The following DNM3 variants were observed in gnomAD, a reference collection of about 807,000 sequenced individuals.
DNM3 encodes the protein dynamin 3, also known as dynamin-3.
In DNM3, 47 loss-of-function variants were observed where a neutral mutation model predicts 101.6. The ratio of observed to expected loss-of-function variants is 0.46; its 90% CI spans 0.37 to 0.59. DNM3 has a LOEUF of 0.59. DNM3 is among the 20% of genes least tolerant of loss of function. DNM3 has a pLI of 0.00. For missense variants in DNM3, 849 were observed against 1,085.7 expected (o/e 0.78, Z 3.06); for synonymous variants, 385 against 387.9 (o/e 0.99, Z 0.09).
At chr1:172,327,634 G>T (rs1462913561) in intron 17 of DNM3, among the ~76,000 whole-genome samples, 1 of 152,082 alleles carries the variant, frequency 6.6e-6, no homozygotes, top group Non-Finnish European at 1.5e-5. Context: ...TTTAGGTATG[G>T]TCAGCTCAAT....
At position 172,404,597 on chromosome 1, in the gene DNM3, A is replaced by G. The variant is rs192547564; in HGVS notation, c.2523-3175A>G. On this transcript the variant is annotated intron_variant, in intron 20 of 20. Coordinates refer to ENST00000627582, the MANE Select transcript of DNM3 (RefSeq NM_015569.5). ...ACTTAAGTCTTTCTATTCTCTATCC[A>G]CACCATTGAATTTTTCCCTTCAATC... Among the ~76,000 whole-genome samples the G allele has an allele frequency of 3.6e-3, 548 of 152,154 alleles. 3 individuals are homozygous for G. Among genetic ancestry groups the G allele is most frequent in the African/African-American group, 0.012 (515 of 41,534 alleles).
intron 14 of DNM3, among the ~76,000 whole-genome samples, chr1:172,182,806 C>G (rs1258514294): frequency 3.9e-5 from 6 of 152,070 alleles, no homozygotes; most frequent in Admixed American, 2.0e-4. Flanking sequence ...ATCTTTTATA[C>G]CATTGCAGGA....
intron 4 of DNM3, among the ~76,000 whole-genome samples, chr1:172,021,174 C>A (rs1299038171): frequency 2.6e-5 from 4 of 152,178 alleles, no homozygotes; most frequent in Non-Finnish European, 5.9e-5. Context: ...TTTTATCTTT[C>A]ATAAAGGAAG....
intron 8 of DNM3, among the ~76,000 whole-genome samples, chr1:172,043,078 G>A (rs1366255991): frequency 6.6e-6 from 1 of 152,098 alleles, no homozygotes; most frequent in Non-Finnish European, 1.5e-5. Flanking sequence ...TTGTGCAAGG[G>A]GGAAATGCTG....
At chr1:172,204,020 T>C (rs928874314) in intron 14 of DNM3, among the ~76,000 whole-genome samples, 2 of 152,158 alleles carry the variant, frequency 1.3e-5, no homozygotes, top group African/African-American at 4.8e-5. Context: ...ATTAAACATA[T>C]ACTTCTGCAG....
chr1:172,217,342 A>G (rs2060738531), intron 14 of DNM3, among the ~76,000 whole-genome samples: 1 of 152,084 alleles, frequency 6.6e-6, no homozygotes, highest in Non-Finnish European at 1.5e-5. Flanking sequence ...CAAAAACAAC[A>G]TGGTTCGTGG....
chr1:172,111,044 A>T (rs905798786), intron 13 of DNM3, among the ~76,000 whole-genome samples: 5 of 152,258 alleles, frequency 3.3e-5, no homozygotes, highest in Admixed American at 2.0e-4. Flanking sequence ...TCAAAAAAAT[A>T]AAATTAAATT....
intron 14 of DNM3, among the ~76,000 whole-genome samples, chr1:172,222,548 G>T (rs148703318): frequency 6.6e-6 from 1 of 152,244 alleles, no homozygotes; most frequent in African/African-American, 2.4e-5. Flanking sequence ...AAGAGGACAG[G>T]GGTCTACTTA....
At chr1:172,300,650 A>T (rs2064400735) in intron 15 of DNM3, among the ~76,000 whole-genome samples, 1 of 152,318 alleles carries the variant, frequency 6.6e-6, no homozygotes, top group South Asian at 2.1e-4. Flanking sequence ...ATCACCTTAT[A>T]AAAAAATTAA....
At position 171,936,486 on chromosome 1, in the gene DNM3, T is replaced by A. The variant is rs113414956; in HGVS notation, c.235+14665T>A. On this transcript the variant is annotated intron_variant, in intron 2 of 20. Coordinates refer to ENST00000627582, the MANE Select transcript of DNM3 (RefSeq NM_015569.5). Reference sequence around the variant, plus strand: ...AATATCTCTCTAAATGCTACTATATTGTTTACTCTGCTTTATTTCAATGAC... The same window carrying A: ...AATATCTCTCTAAATGCTACTATATAGTTTACTCTGCTTTATTTCAATGAC... 4.1e-3 allele frequency among the ~76,000 whole-genome samples: 631 copies of A among 152,320 alleles called. 2 individuals are homozygous for A. Among genetic ancestry groups the A allele is most frequent in the Non-Finnish European group, 6.7e-3 (459 of 68,014 alleles).
At chr1:172,155,447 A>C (rs1226674976) in intron 14 of DNM3, among the ~76,000 whole-genome samples, 2 of 152,090 alleles carry the variant, frequency 1.3e-5, no homozygotes, top group African/African-American at 4.8e-5. Context: ...TTTATTTTAT[A>C]TACTCTTATT....
intron 9 of DNM3, among the ~76,000 whole-genome samples, chr1:172,047,618 C>G (rs2049909453): frequency 6.6e-6 from 1 of 151,996 alleles, no homozygotes; most frequent in South Asian, 2.1e-4. Flanking sequence ...GATTCTGTAC[C>G]TCGTTCAGAG....
chr1:172,325,037 A>G (rs9425286), intron 17 of DNM3, among the ~76,000 whole-genome samples: 83,671 of 151,860 alleles, frequency 0.55, 24,061 homozygotes, highest in African/African-American at 0.72. Context: ...TTCACTCCCC[A>G]CACACACACC....
chr1:172,096,057 C>G (rs1480895460), intron 13 of DNM3, among the ~76,000 whole-genome samples: 1 of 152,108 alleles, frequency 6.6e-6, no homozygotes, highest in African/African-American at 2.4e-5. Flanking sequence ...GGTAAGTAAG[C>G]AAACTGAAGT....
chr1:172,067,869 G>A (rs1295508480), intron 10 of DNM3, among the ~76,000 whole-genome samples: 1 of 152,196 alleles, frequency 6.6e-6, no homozygotes, highest in African/African-American at 2.4e-5. Flanking sequence ...AGTTAAAGGA[G>A]TCTCTTTGTG....
At chr1:172,402,916 T>C (rs1289032790) in intron 20 of DNM3, among the ~76,000 whole-genome samples, 1 of 152,178 alleles carries the variant, frequency 6.6e-6, no homozygotes, top group African/African-American at 2.4e-5. Flanking sequence ...TAAAGCAAAG[T>C]AAAAATCTTT....
chr1:171,878,320 T>A (rs1159720028), intron 1 of DNM3, among the ~76,000 whole-genome samples: 1 of 152,076 alleles, frequency 6.6e-6, no homozygotes, highest in Non-Finnish European at 1.5e-5. Context: ...TATCTCTCCA[T>A]GGCAGTTAAT....
chr1:172,033,433 C>T (rs1005314207), intron 6 of DNM3, among the ~76,000 whole-genome samples, 168 bp downstream of exon 6: 26 of 152,010 alleles, frequency 1.7e-4, no homozygotes, highest in African/African-American at 5.1e-4. Flanking sequence ...ACACTATTAC[C>T]GTTCTCAGTG....
At chr1:172,251,286 T>A (rs1378382430) in intron 14 of DNM3, among the ~76,000 whole-genome samples, 1 of 150,966 alleles carries the variant, frequency 6.6e-6, no homozygotes, top group Non-Finnish European at 1.5e-5. Context: ...TTTAGCTATT[T>A]TAGATTCATG....
Sources: allele counts gnomAD v4.1 joint callset (sites outside exome capture counted in the v4.1 genomes callset), GRCh38; gene constraint gnomAD v4.1.1; transcripts MANE v1.5; gene names NCBI Gene and HGNC (gene_info 2026-07-23, HGNC 2026-07-21).